UBE3C: variants seen among roughly 807,000 people sequenced by gnomAD.
UBE3C encodes the protein ubiquitin protein ligase E3C, also known as ubiquitin-protein ligase E3C.
A neutral mutation model predicts 129.4 loss-of-function variants in UBE3C; 42 were observed. That is an observed-to-expected ratio of 0.32 (90% CI 0.25 to 0.42). The LOEUF (loss-of-function observed/expected upper bound fraction) is 0.42, where lower values mean the gene tolerates loss of function less well. UBE3C is among the 10% of genes least tolerant of loss of function. The probability of loss-of-function intolerance (pLI) is 1.00; values close to 1 mark genes in which losing one functional copy is unlikely to be tolerated. For missense variants in UBE3C, 1,049 were observed against 1,319.1 expected (o/e 0.80, Z 3.17); for synonymous variants, 510 against 492.4 (o/e 1.04, Z -0.47).
chr7:157,139,210 C>G lies in UBE3C; in HGVS notation c.-63C>G. On this transcript the variant is annotated 5_prime_UTR_variant, in exon 1 of 23. Coordinates refer to ENST00000348165, the MANE Select transcript of UBE3C (RefSeq NM_014671.3). ...GCGCCGAGAGCCTCCCAGCCCGCCCCGTGCCCCGCCCGCCCGGCTGCTTCC... is the reference window on the plus strand; with the variant it reads ...GCGCCGAGAGCCTCCCAGCCCGCCCGGTGCCCCGCCCGCCCGGCTGCTTCC... 7.7e-7 allele frequency: 1 copy of G among 1,296,340 alleles called. No individual in the cohort carries two copies. The highest frequency in any genetic ancestry group is 9.9e-7 in the Non-Finnish European group (1 of 1,007,262). The allele number at this position is 1,296,340 out of a possible 1,614,324, so 80.3% of individuals were successfully genotyped here. A position where few individuals can be genotyped will look rare whatever the true frequency, so the allele number is the denominator to read the frequency against.
intron 18 of UBE3C, among the ~76,000 whole-genome samples, chr7:157,245,142 A>G (rs1255884462): frequency 6.6e-6 from 1 of 152,218 alleles, no homozygotes; most frequent in African/African-American, 2.4e-5. Context: ...AATGCTCTGA[A>G]GGTTTAAACC....
Position 157,173,081 on chromosome 7 carries a change from A to G in UBE3C, c.343-1838A>G, listed in dbSNP as rs142791600. Among the ~76,000 whole-genome samples the G allele has an allele frequency of 6.4e-3, 982 of 152,346 alleles. 6 individuals are homozygous for G. Among genetic ancestry groups the G allele is most frequent in the Admixed American group, 0.013 (195 of 15,300 alleles). On this transcript the variant is annotated intron_variant, in intron 4 of 22. Coordinates refer to ENST00000348165, the MANE Select transcript of UBE3C (RefSeq NM_014671.3). Reference sequence around the variant, plus strand: ...ATAAGACCAGTCCAGGAAAAGGATAAAAGAAAAGTGGGCTGGACACAGTGG... The same window carrying G: ...ATAAGACCAGTCCAGGAAAAGGATAGAAGAAAAGTGGGCTGGACACAGTGG...
At chr7:157,231,600 C>T (rs1028540266) in intron 18 of UBE3C, 66 of 408,662 alleles carry the variant, frequency 1.6e-4, no homozygotes, top group East Asian at 1.3e-3. Context: ...CATGTGAGCT[C>T]GGCCGTCATG....
chr7:157,213,510 CTT>C (rs1020398500), intron 13 of UBE3C, among the ~76,000 whole-genome samples: 1 of 152,234 alleles, frequency 6.6e-6, no homozygotes, highest in African/African-American at 2.4e-5. Flanking sequence ...CATTTAGTCA[CTT>C]TATGTGATTT....
intron 22 of UBE3C, among the ~76,000 whole-genome samples, chr7:157,257,855 AT>A (rs1796794443): frequency 6.6e-6 from 1 of 151,486 alleles, no homozygotes. Flanking sequence ...AGTGGTATAT[AT>A]ATTATAGAAT....
intron 1 of UBE3C, chr7:157,140,160 C>G: frequency 3.1e-6 from 1 of 326,008 alleles, no homozygotes; most frequent in Non-Finnish European, 4.4e-6. Context: ...TTGTTCCCGC[C>G]CCTCCCTTCC....
intron 10 of UBE3C, among the ~76,000 whole-genome samples, chr7:157,195,466 AC>A (rs755434039): frequency 9.9e-5 from 15 of 152,164 alleles, no homozygotes; most frequent in Admixed American, 3.3e-4. Context: ...GCTGAAGATT[AC>A]TCCCAGGCCT....
rs549039659 is a variant in UBE3C at position 157,198,722 on chromosome 7, A to G, written c.1332-2999A>G. On this transcript the variant is annotated intron_variant, in intron 10 of 22. Transcript: ENST00000348165. ...GCAAATTTTTGTATTTTTAGTAGAGACGGGGTTTCACCATGTTGACCAGGC... is the reference window on the plus strand; with the variant it reads ...GCAAATTTTTGTATTTTTAGTAGAGGCGGGGTTTCACCATGTTGACCAGGC... Among the ~76,000 whole-genome samples the G allele has an allele frequency of 1.3e-4, 20 of 152,190 alleles. No homozygotes were observed. The South Asian group carries it at 1.5e-3, about 11-fold the overall frequency.
chr7:157,155,950 A>T lies in UBE3C; in HGVS notation c.67-7860A>T, dbSNP rs113639344. On this transcript the variant is annotated intron_variant, in intron 1 of 22. Coordinates refer to ENST00000348165, the MANE Select transcript of UBE3C (RefSeq NM_014671.3). ...ACCTTGTCTGTAACTGCTACTAGGC[A>T]TCCTTACGGGTTCTACATCTGCATA... is the stretch of plus-strand genomic sequence containing the variant. Among the ~76,000 whole-genome samples, 1,439 of 152,138 alleles carry T rather than the reference A, an allele frequency of 9.5e-3. 23 individuals are homozygous for T. The highest frequency in any genetic ancestry group is 0.033 in the African/African-American group (1,374 of 41,392).
intron 2 of UBE3C, chr7:157,164,505 A>G: frequency 2.2e-6 from 1 of 456,600 alleles, no homozygotes; most frequent in Non-Finnish European, 4.4e-6. Context: ...CTGTTAAGAC[A>G]TGTGTCTTAA....
chr7:157,140,297 A>G lies in UBE3C; in HGVS notation c.66+959A>G, dbSNP rs551978305. ...AACGCAGAGTGGGTGCTGGCAGGCC[A>G]AGGAGGAACTGCTGTTATTAAGATT... On this transcript the variant is annotated intron_variant, in intron 1 of 22. Coordinates refer to ENST00000348165, the MANE Select transcript of UBE3C (RefSeq NM_014671.3). 5.3e-5 allele frequency among the ~76,000 whole-genome samples: 8 copies of G among 152,242 alleles called. No homozygotes were observed. The South Asian group carries it at 1.7e-3, about 32-fold the overall frequency.
rs1166337983 is a variant in UBE3C, at chr7:157,167,026, T to A, written c.121-2022T>A. Among the ~76,000 whole-genome samples, 4 of 152,108 alleles carry A rather than the reference T, an allele frequency of 2.6e-5. No homozygotes were observed. In the East Asian group the frequency reaches 7.8e-4, roughly 30 times the overall value. On this transcript the variant is annotated intron_variant, in intron 2 of 22. Transcript: ENST00000348165. ...CTCACTGCAACCTCCACCTCCTGGC[T>A]TCAAGTGATTCTCCTGCCTCAGCCT...
chr7:157,171,232 C>T (rs925951296), intron 4 of UBE3C, among the ~76,000 whole-genome samples: 2 of 152,012 alleles, frequency 1.3e-5, no homozygotes, highest in Admixed American at 6.6e-5. Flanking sequence ...CTCAAGCAAT[C>T]GGTGGTGTCT....
intron 18 of UBE3C, among the ~76,000 whole-genome samples, chr7:157,236,538 G>A (rs1420553343): frequency 6.6e-6 from 1 of 152,138 alleles, no homozygotes; most frequent in Non-Finnish European, 1.5e-5. Context: ...GCACTTAACA[G>A]TTTATCTTGA....
Position 157,198,148 on chromosome 7 carries a change from T to C in UBE3C, c.1332-3573T>C. 7.4e-6 allele frequency: 12 copies of C among 1,613,048 alleles called. No individual in the cohort carries two copies. The South Asian group carries it at 1.2e-4, about 16-fold the overall frequency. On this transcript the variant is annotated intron_variant, in intron 10 of 22. Transcript: ENST00000348165. Reference sequence around the variant, plus strand: ...CCATCATCTAAACTGAAACCATTGCTCCACAGTTTAAGCAAAATCTGAACA... The same window carrying C: ...CCATCATCTAAACTGAAACCATTGCCCCACAGTTTAAGCAAAATCTGAACA...
intron 18 of UBE3C, among the ~76,000 whole-genome samples, chr7:157,236,084 ATTACC>A (rs1796144983): frequency 6.6e-6 from 1 of 152,258 alleles, no homozygotes; most frequent in African/African-American, 2.4e-5. Context: ...CAGAGGAAGA[ATTACC>A]TCATGTCACT....
chr7:157,172,743 C>T lies in UBE3C; in HGVS notation c.343-2176C>T, dbSNP rs78188573. On this transcript the variant is annotated intron_variant, in intron 4 of 22. Transcript: ENST00000348165. ...TCAGAATAGTACAACGGCAGATAAT[C>T]GGGCTTGCTTTCTGGAACAGGATGT... Among the ~76,000 whole-genome samples, 269 of 152,284 alleles carry T rather than the reference C, an allele frequency of 1.8e-3. 1 individual carries two copies. The highest frequency in any genetic ancestry group is 6.2e-3 in the African/African-American group (258 of 41,578).
At chr7:157,254,450 T>G (rs1796696041) in intron 21 of UBE3C, 140 bp downstream of exon 21, 1 of 386,980 alleles carries the variant, frequency 2.6e-6, no homozygotes, top group East Asian at 6.8e-5. Context: ...CAGGCTGGAG[T>G]GCAGTGGCGC....
chr7:157,258,704 C>T (rs1279978480), intron 22 of UBE3C, among the ~76,000 whole-genome samples: 1 of 152,198 alleles, frequency 6.6e-6, no homozygotes, highest in Non-Finnish European at 1.5e-5. Context: ...AGGTGATCCA[C>T]CTACCTCAGC....
Sources: gnomAD v4.1 joint callset for allele counts (sites outside exome capture counted in the v4.1 genomes callset) on GRCh38, gnomAD v4.1.1 for gene constraint, MANE v1.5 for transcripts, NCBI Gene and HGNC (gene_info 2026-07-23, HGNC 2026-07-21) for gene names.